FUT9: variants seen among roughly 807,000 people sequenced by gnomAD.
FUT9 encodes the protein 4-galactosyl-N-acetylglucosaminide 3-alpha-L-fucosyltransferase 9.
A neutral mutation model predicts 29.7 loss-of-function variants in FUT9; 15 were observed. The observed-to-expected ratio is 0.51, with a 90% CI of 0.34 to 0.78. The LOEUF is 0.78. Among genes scored for constraint, FUT9 ranks in the 30% least tolerant of loss-of-function variants. The pLI is 0.01. For missense variants in FUT9, 319 were observed against 425.4 expected (o/e 0.75, Z 2.20); for synonymous variants, 169 against 153.7 (o/e 1.10, Z -0.74).
At chr6:96,135,095 A>G (rs1033548246) in intron 2 of FUT9, among the ~76,000 whole-genome samples, 1 of 151,908 alleles carries the variant, frequency 6.6e-6, no homozygotes, top group East Asian at 1.9e-4. Context: ...TTACTCTTTC[A>G]ATGACTTTAT....
chr6:96,213,558 G>A lies in FUT9; in HGVS notation c.*9323G>A, dbSNP rs1451851384. 6.0e-6 allele frequency: 1 copy of A among 166,786 alleles called. No individual in the cohort carries two copies. Among genetic ancestry groups the A allele is most frequent in the African/African-American group, 2.4e-5 (1 of 41,416 alleles). The allele number at this position is 166,786 out of a possible 1,614,324, so 10.3% of individuals were successfully genotyped here. The stretch of plus-strand genomic sequence containing the variant: ...CATAATGCCAAATGTACAGTTTATA[G>A]GTTCGTGTTATTTCTGATAAGAATT... On this transcript the variant is annotated 3_prime_UTR_variant, in exon 3 of 3. Coordinates refer to ENST00000302103, the MANE Select transcript of FUT9 (RefSeq NM_006581.4).
At position 96,133,108 on chromosome 6, in the gene FUT9, T is replaced by C. The variant is rs114873566; in HGVS notation, c.-9+18981T>C. 6.4e-3 allele frequency among the ~76,000 whole-genome samples: 975 copies of C among 151,704 alleles called. 10 individuals carry two copies. The highest frequency in any genetic ancestry group is 0.022 in the African/African-American group (929 of 41,386). On this transcript the variant is annotated intron_variant, in intron 2 of 2. Transcript: ENST00000302103. ...TCCCCCTCCCACCCTTTCCCTGGAG[T>C]CCCCAGGGCACTTTTTTAAAAATAA...
rs74676970 is a variant in FUT9 at position 96,171,838 on chromosome 6, C to A, written c.-8-31310C>A. On this transcript the variant is annotated intron_variant, in intron 2 of 2. Coordinates refer to ENST00000302103, the MANE Select transcript of FUT9 (RefSeq NM_006581.4). ...CCTAACCCTTAAGTTAGTCAAGTGT[C>A]CTGAAACACCATCCTACCCGCATCT... is the stretch of plus-strand genomic sequence containing the variant. 1.8e-3 allele frequency among the ~76,000 whole-genome samples: 277 copies of A among 152,200 alleles called. 2 individuals carry two copies. The highest frequency in any genetic ancestry group is 4.5e-3 in the African/African-American group (187 of 41,532).
intron 1 of FUT9, among the ~76,000 whole-genome samples, chr6:96,071,646 C>T (rs945817228): frequency 3.3e-5 from 5 of 152,018 alleles, no homozygotes; most frequent in African/African-American, 1.2e-4. Context: ...GCAGTTTAAC[C>T]ATTACTACAT....
chr6:96,138,151 C>A (rs1014828636), intron 2 of FUT9, among the ~76,000 whole-genome samples: 1 of 152,172 alleles, frequency 6.6e-6, no homozygotes, highest in Non-Finnish European at 1.5e-5. Context: ...TTCTGAGTTA[C>A]TCATGCCCTC....
intron 1 of FUT9, among the ~76,000 whole-genome samples, chr6:96,050,562 C>T (rs1450616636): frequency 1.3e-5 from 2 of 152,196 alleles, no homozygotes; most frequent in African/African-American, 4.8e-5. Context: ...ATATCTTGCT[C>T]TTGTCAAATT....
intron 2 of FUT9, among the ~76,000 whole-genome samples, chr6:96,125,854 T>C (rs1167711958): frequency 6.6e-6 from 1 of 152,212 alleles, no homozygotes; most frequent in Non-Finnish European, 1.5e-5. Context: ...TTCGTTTATT[T>C]TCATTATAGC....
intron 2 of FUT9, among the ~76,000 whole-genome samples, chr6:96,202,385 AG>A (rs1373563272): frequency 7.2e-5 from 11 of 152,042 alleles, no homozygotes; most frequent in African/African-American, 2.7e-4. Flanking sequence ...AGGCTATGTA[AG>A]TGAGAACGTT....
At chr6:96,094,965 C>A (rs1421524259) in intron 1 of FUT9, among the ~76,000 whole-genome samples, 1 of 152,042 alleles carries the variant, frequency 6.6e-6, no homozygotes, top group Admixed American at 6.6e-5. Flanking sequence ...GTACACGGTA[C>A]CCAAAGTGTA....
intron 1 of FUT9, among the ~76,000 whole-genome samples, chr6:96,094,009 C>A (rs1771455984): frequency 6.6e-6 from 1 of 152,090 alleles, no homozygotes; most frequent in Admixed American, 6.6e-5. Flanking sequence ...ATGTATATGT[C>A]ATGTTTTAAT....
At chr6:96,065,880 G>T (rs1214861338) in intron 1 of FUT9, among the ~76,000 whole-genome samples, 4 of 152,168 alleles carry the variant, frequency 2.6e-5, no homozygotes, top group Non-Finnish European at 4.4e-5. Flanking sequence ...GCAAGATAAT[G>T]GTTGCTGACT....
At chr6:96,156,428 T>C (rs1245377374) in intron 2 of FUT9, among the ~76,000 whole-genome samples, 2 of 152,034 alleles carry the variant, frequency 1.3e-5, no homozygotes, top group Admixed American at 1.3e-4. Context: ...GTAGAATGTA[T>C]TAAGTGAAAA....
At chr6:96,133,115 G>A (rs7774478) in intron 2 of FUT9, among the ~76,000 whole-genome samples, 137,557 of 151,732 alleles carry the variant, frequency 0.91, 63,540 homozygotes, top group East Asian at 0.99. Flanking sequence ...GAGTCCCCAG[G>A]GCACTTTTTT....
Position 96,098,042 on chromosome 6 carries a change from A to C in FUT9, c.-97-15997A>C, listed in dbSNP as rs373006888. Among the ~76,000 whole-genome samples the C allele has an allele frequency of 7.9e-5, 12 of 152,068 alleles. No individual in the cohort carries two copies. In the East Asian group the frequency reaches 2.1e-3, roughly 27 times the overall value. ...AAGTAGAGGATTCTAGGGTCAGGCTATTTGTCTAAGTTATTGCCTATTCCC... is the reference window on the plus strand; with the variant it reads ...AAGTAGAGGATTCTAGGGTCAGGCTCTTTGTCTAAGTTATTGCCTATTCCC... On this transcript the variant is annotated intron_variant, in intron 1 of 2. Coordinates refer to ENST00000302103, the MANE Select transcript of FUT9 (RefSeq NM_006581.4).
chr6:96,124,526 AT>A (rs879732573), intron 2 of FUT9, among the ~76,000 whole-genome samples: 64 of 151,276 alleles, frequency 4.2e-4, no homozygotes, highest in Non-Finnish European at 8.3e-4. Flanking sequence ...TTTTTGTTTC[AT>A]TTTTTTGCAT....
intron 1 of FUT9, among the ~76,000 whole-genome samples, chr6:96,043,342 G>C (rs1311844490): frequency 6.6e-6 from 1 of 152,178 alleles, no homozygotes; most frequent in Non-Finnish European, 1.5e-5. Flanking sequence ...GAGCCACCGC[G>C]CCCAGACGAT....
At chr6:96,157,959 C>T (rs1026274110) in intron 2 of FUT9, among the ~76,000 whole-genome samples, 15 of 152,000 alleles carry the variant, frequency 9.9e-5, no homozygotes, top group Non-Finnish European at 1.5e-4. Context: ...TTCTCTAACT[C>T]TATAATTTTA....
chr6:96,050,649 A>G (rs1477587689), intron 1 of FUT9, among the ~76,000 whole-genome samples: 1 of 152,204 alleles, frequency 6.6e-6, no homozygotes, highest in African/African-American at 2.4e-5. Flanking sequence ...TAGTTTACAT[A>G]CCACACTTTA....
intron 2 of FUT9, among the ~76,000 whole-genome samples, chr6:96,155,690 GAAAGAAAAAGA>G (rs1582272565): frequency 4.0e-5 from 6 of 150,976 alleles, no homozygotes; most frequent in Admixed American, 2.6e-4. Context: ...AAAAAGGAAA[GAAAGAAAAAGA>G]AAAGAAAGAA....
Sources: gnomAD v4.1 joint callset for allele counts (sites outside exome capture counted in the v4.1 genomes callset) on GRCh38, gnomAD v4.1.1 for gene constraint, MANE v1.5 for transcripts, NCBI Gene and HGNC (gene_info 2026-07-23, HGNC 2026-07-21) for gene names.